Variants in RANBP2 observed in about 807,000 individuals in gnomAD.
The protein encoded by RANBP2 is E3 SUMO-protein ligase RanBP2.
RANBP2 carries 57 observed loss-of-function variants against 303.6 expected under a neutral mutation model. That is an observed-to-expected ratio of 0.19 (90% CI 0.15 to 0.23). The LOEUF is 0.23. Among genes scored for constraint, RANBP2 ranks in the 10% least tolerant of loss-of-function variants. RANBP2 has a pLI of 1.00. For synonymous variants in RANBP2, 1,167 were observed against 1,301.5 expected (o/e 0.90, Z 2.23); for missense variants, 3,138 against 3,780.8 (o/e 0.83, Z 4.46).
At chr2:109,661,393 C>A in the RANBP2 span, among the ~76,000 whole-genome samples, 3 of 152,242 alleles carry the variant, frequency 2.0e-5, no homozygotes, top group South Asian at 6.2e-4. Context: ...ATTACAGGCG[C>A]TTGCCACCAT....
chr2:109,611,195 G>A, the RANBP2 span, among the ~76,000 whole-genome samples: 1 of 151,978 alleles, frequency 6.6e-6, no homozygotes, highest in Non-Finnish European at 1.5e-5. Context: ...CTCAAAATGG[G>A]TCATAACATA....
chr2:108,928,033 C>T, the RANBP2 span, among the ~76,000 whole-genome samples: 1 of 152,178 alleles, frequency 6.6e-6, no homozygotes, highest in South Asian at 2.1e-4. Context: ...GCATCCCTGG[C>T]TCAGCAGTCT....
chr2:108,920,037 A>G, the RANBP2 span, among the ~76,000 whole-genome samples: 1 of 152,146 alleles, frequency 6.6e-6, no homozygotes, highest in African/African-American at 2.4e-5. Context: ...AAGTGGCACC[A>G]TGTCCACATG....
At chr2:109,166,274 C>T in the RANBP2 span, among the ~76,000 whole-genome samples, 14 of 151,876 alleles carry the variant, frequency 9.2e-5, no homozygotes, top group African/African-American at 2.4e-4. Flanking sequence ...GTCAGGAGAT[C>T]GAGACCATCC....
chr2:109,348,355 G>A, the RANBP2 span, among the ~76,000 whole-genome samples: 1 of 152,220 alleles, frequency 6.6e-6, no homozygotes, highest in East Asian at 1.9e-4. Context: ...CTGCTACAGA[G>A]ACCCTGGTCA....
chr2:108,912,428 C>T, the RANBP2 span, among the ~76,000 whole-genome samples: 35 of 152,290 alleles, frequency 2.3e-4, 1 homozygote, highest in East Asian at 6.0e-3. Context: ...GTCCACCTGC[C>T]GCTATGCCCC....
chr2:109,444,507 C>A, the RANBP2 span, among the ~76,000 whole-genome samples: 1 of 152,150 alleles, frequency 6.6e-6, no homozygotes, highest in Non-Finnish European at 1.5e-5. Context: ...TCTAAAAATT[C>A]CATCATTTTC....
the RANBP2 span, among the ~76,000 whole-genome samples, chr2:109,005,939 T>C: frequency 1.6e-3 from 238 of 152,282 alleles, 5 homozygotes; most frequent in East Asian, 0.011. Flanking sequence ...GTCGTGGAGC[T>C]GCCCATGTGT....
At chr2:109,361,767 G>T in the RANBP2 span, among the ~76,000 whole-genome samples, 55 of 152,220 alleles carry the variant, frequency 3.6e-4, no homozygotes, top group African/African-American at 1.2e-3. Flanking sequence ...AATAGATAAA[G>T]GCCTATTGAA....
chr2:108,772,795 T>C, intron 22 of RANBP2, 73 bp from the exon 23 acceptor site: 1 of 1,498,044 alleles, frequency 6.7e-7, no homozygotes, highest in Non-Finnish European at 9.2e-7. Flanking sequence ...TGGATTATGT[T>C]GATGACTACC....
the RANBP2 span, among the ~76,000 whole-genome samples, chr2:109,074,394 G>T: frequency 6.7e-6 from 1 of 150,058 alleles, no homozygotes; most frequent in African/African-American, 2.4e-5. Flanking sequence ...ACTAAATCTT[G>T]CCCTATCAAT....
At chr2:109,012,446 CTTT>C in the RANBP2 span, among the ~76,000 whole-genome samples, 66 of 152,292 alleles carry the variant, frequency 4.3e-4, no homozygotes, top group Non-Finnish European at 7.9e-4. Flanking sequence ...TCCCACGCTC[CTTT>C]TCCCCCCAGC....
At chr2:108,924,510 T>G in the RANBP2 span, among the ~76,000 whole-genome samples, 1 of 152,216 alleles carries the variant, frequency 6.6e-6, no homozygotes, top group African/African-American at 2.4e-5. Flanking sequence ...ATTCAAGAAC[T>G]GGGATGAGAA....
chr2:109,653,044 A>G, the RANBP2 span, among the ~76,000 whole-genome samples: 1 of 152,128 alleles, frequency 6.6e-6, no homozygotes, highest in African/African-American at 2.4e-5. Context: ...TCAGCCTAGA[A>G]TTTCTCTGCC....
At chr2:109,016,930 A>G in the RANBP2 span, among the ~76,000 whole-genome samples, 17 of 152,210 alleles carry the variant, frequency 1.1e-4, no homozygotes, top group African/African-American at 2.4e-4. Flanking sequence ...ACTGCCCCCT[A>G]TGGAAACTCG....
chr2:108,757,970 A>G (rs1418533532), intron 17 of RANBP2, among the ~76,000 whole-genome samples: 2 of 152,324 alleles, frequency 1.3e-5, no homozygotes, highest in African/African-American at 2.4e-5. Context: ...AGCACCAGGT[A>G]CCTAGAACTC....
intron 4 of RANBP2, among the ~76,000 whole-genome samples, chr2:108,732,431 C>G (rs1216220679): frequency 6.6e-6 from 1 of 152,132 alleles, no homozygotes; most frequent in East Asian, 1.9e-4. Flanking sequence ...TTGGGATGCT[C>G]TACCTGCTAA....
the RANBP2 span, among the ~76,000 whole-genome samples, chr2:109,469,940 T>C: frequency 2.6e-5 from 4 of 152,294 alleles, no homozygotes; most frequent in South Asian, 8.3e-4. Context: ...CAGAGCACTT[T>C]CCAGGACATG....
the RANBP2 span, among the ~76,000 whole-genome samples, chr2:109,684,842 A>G: frequency 2.1e-5 from 3 of 142,280 alleles, no homozygotes; most frequent in Non-Finnish European, 3.1e-5. Flanking sequence ...CTGGCCTTAC[A>G]TATTTTTAAT....
Sources: gnomAD v4.1 joint callset for allele counts (sites outside exome capture counted in the v4.1 genomes callset) on GRCh38, gnomAD v4.1.1 for gene constraint, MANE v1.5 for transcripts, NCBI Gene and HGNC (gene_info 2026-07-23, HGNC 2026-07-21) for gene names.